The following MYBPC1 variants were observed in gnomAD, a reference collection of about 807,000 sequenced individuals.
The protein encoded by MYBPC1 is myosin-binding protein C, slow-type.
A neutral mutation model predicts 147.1 loss-of-function variants in MYBPC1; 52 were observed. That is an observed-to-expected ratio of 0.35 (90% confidence interval 0.28 to 0.45). MYBPC1 has a LOEUF of 0.45. MYBPC1 is among the 20% of genes least tolerant of loss of function. MYBPC1 has a pLI of 1.00. For synonymous variants in MYBPC1, 477 were observed against 475.9 expected (o/e 1.00, Z -0.03); for missense variants, 1,228 against 1,440.3 (o/e 0.85, Z 2.39).
At chr12:101,692,947 CTT>C in the MYBPC1 span, among the ~76,000 whole-genome samples, 8 of 129,116 alleles carry the variant, frequency 6.2e-5, no homozygotes, top group African/African-American at 2.9e-5. Flanking sequence ...ATTACCTTCA[CTT>C]TTTTTTTTTT....
chr12:101,603,976 A>G (rs985268775), intron 1 of MYBPC1, among the ~76,000 whole-genome samples: 1 of 152,188 alleles, frequency 6.6e-6, no homozygotes, highest in East Asian at 1.9e-4. Flanking sequence ...CCCAAAAAAG[A>G]CACAGTAAAG....
intron 8 of MYBPC1, 68 bp from the exon 9 acceptor site, chr12:101,634,486 A>G (rs1402933284): frequency 3.9e-6 from 5 of 1,281,288 alleles, no homozygotes; most frequent in African/African-American, 1.5e-5. Flanking sequence ...CCCACAGCCT[A>G]TAAAGGAACT....
chr12:101,667,082 G>A (rs935013107), intron 22 of MYBPC1, among the ~76,000 whole-genome samples: 2 of 152,080 alleles, frequency 1.3e-5, no homozygotes, highest in African/African-American at 2.4e-5. Context: ...AAATTCTCTC[G>A]ATGTGATACA....
At chr12:101,684,679 AC>A (rs1951246038) in intron 31 of MYBPC1, among the ~76,000 whole-genome samples, 1 of 152,248 alleles carries the variant, frequency 6.6e-6, no homozygotes, top group Admixed American at 6.5e-5. Context: ...TTTAATGTAG[AC>A]AAAAATGGGT....
chr12:101,681,065 C>T (rs1950908262), intron 29 of MYBPC1, among the ~76,000 whole-genome samples: 1 of 152,142 alleles, frequency 6.6e-6, no homozygotes, highest in Non-Finnish European at 1.5e-5. Context: ...GGCTGCTTTT[C>T]AAATCTCTAA....
chr12:101,677,441 C>G, intron 27 of MYBPC1, 47 bp downstream of exon 27: 3 of 1,605,576 alleles, frequency 1.9e-6, no homozygotes, highest in South Asian at 2.2e-5. Context: ...TTGACAGTGA[C>G]CAGACAGAGA....
At chr12:101,690,046 G>T, downstream of MYBPC1, among the ~76,000 whole-genome samples, 1 of 152,196 alleles carries the variant, frequency 6.6e-6, no homozygotes, top group South Asian at 2.1e-4. Flanking sequence ...GTGGTGGCGC[G>T]TGCCTGTAAT....
chr12:101,600,059 C>T (rs941249587), intron 1 of MYBPC1, among the ~76,000 whole-genome samples: 29 of 152,246 alleles, frequency 1.9e-4, no homozygotes, highest in Admixed American at 1.6e-3. Context: ...TTTAAAAAGA[C>T]TTTGGAAAAA....
At chr12:101,597,573 T>C (rs1029367571) in intron 1 of MYBPC1, among the ~76,000 whole-genome samples, 10 of 152,204 alleles carry the variant, frequency 6.6e-5, no homozygotes, top group African/African-American at 2.4e-4. Flanking sequence ...GAAGGACAGA[T>C]GTAACTTTGG....
At chr12:101,640,387 C>T (rs762908724) in intron 10 of MYBPC1, among the ~76,000 whole-genome samples, 1 of 152,160 alleles carries the variant, frequency 6.6e-6, no homozygotes, top group Non-Finnish European at 1.5e-5. Context: ...GAAGTGTTTA[C>T]TGTTTCCAGG....
At chr12:101,658,562 AG>A (rs1332699834) in intron 18 of MYBPC1, among the ~76,000 whole-genome samples, 1 of 152,202 alleles carries the variant, frequency 6.6e-6, no homozygotes, top group Non-Finnish European at 1.5e-5. Context: ...AAAGAAAAAA[AG>A]GGTATACAAA....
In MYBPC1 at chr12:101,642,358, C is replaced by T. The variant is rs17031733; in HGVS notation, c.666-61C>T. 7,406 of 1,561,588 alleles carry T rather than the reference C, an allele frequency of 4.7e-3. 272 individuals are homozygous for T. In the African/African-American group the frequency reaches 0.083, roughly 17 times the overall value. On this transcript the variant is annotated intron_variant, in intron 10 of 31. Coordinates refer to ENST00000361466, the MANE Select transcript of MYBPC1 (RefSeq NM_002465.4). ...CTGAAAAAGCAGAATTATACCTCGA[C>T]CTTCGTGGTCTCTAAGGGTCAGTGC... is the stretch of plus-strand genomic sequence containing the variant.
chr12:101,669,664 C>T (rs544252946), intron 23 of MYBPC1, among the ~76,000 whole-genome samples: 8 of 152,086 alleles, frequency 5.3e-5, no homozygotes, highest in East Asian at 1.9e-4. Flanking sequence ...TGGCCAGACG[C>T]GGTGGCTCAT....
chr12:101,631,773 G>A (rs1336523925), intron 7 of MYBPC1, 54 bp downstream of exon 7: 2 of 1,610,220 alleles, frequency 1.2e-6, no homozygotes, highest in African/African-American at 2.7e-5. Flanking sequence ...CCTTCTATGT[G>A]AATAAATGAT....
intron 22 of MYBPC1, among the ~76,000 whole-genome samples, chr12:101,664,093 A>C (rs925608938): frequency 6.6e-6 from 1 of 152,250 alleles, no homozygotes; most frequent in African/African-American, 2.4e-5. Context: ...TGTATAAGAA[A>C]TAAGTTCAAT....
At chr12:101,678,298 T>G in intron 28 of MYBPC1, 60 bp downstream of exon 28, 1 of 1,597,830 alleles carries the variant, frequency 6.3e-7, no homozygotes, top group South Asian at 1.1e-5. Flanking sequence ...TGTGTTATAA[T>G]GTAAGTAACA....
At position 101,606,959 on chromosome 12, in the gene MYBPC1, G is replaced by C. The variant is rs1250469055; in HGVS notation, c.26-7537G>C. ...CCCACCTCAGCCTCCAAAGTAGCTG[G>C]GACCACAGGCACACATCACCATGCC... On this transcript the variant is annotated intron_variant, in intron 1 of 31. Transcript: ENST00000361466. 2.0e-5 allele frequency among the ~76,000 whole-genome samples: 3 copies of C among 151,920 alleles called. No homozygotes were observed. The East Asian group carries it at 5.8e-4, about 29-fold the overall frequency.
At chr12:101,660,148 C>G (rs1010791615) in intron 19 of MYBPC1, 4 of 393,158 alleles carry the variant, frequency 1.0e-5, no homozygotes, top group South Asian at 6.6e-5. Flanking sequence ...AGACAACTAT[C>G]GAAGTGCATT....
At chr12:101,652,527 T>G in intron 16 of MYBPC1, 151 bp from the exon 17 acceptor site, 1 of 265,680 alleles carries the variant, frequency 3.8e-6, no homozygotes, top group South Asian at 6.7e-5. Flanking sequence ...CTTCTCATCC[T>G]CTCTCTCTCT....
Sources: allele counts gnomAD v4.1 joint callset (sites outside exome capture counted in the v4.1 genomes callset), GRCh38; gene constraint gnomAD v4.1.1; transcripts MANE v1.5; gene names NCBI Gene and HGNC (gene_info 2026-07-23, HGNC 2026-07-21).